NUDT16L1: variants seen among roughly 807,000 people sequenced by gnomAD.
NUDT16L1 encodes tudor-interacting repair regulator protein.
In NUDT16L1, 19 loss-of-function variants were observed where a neutral mutation model predicts 17.3. The observed-to-expected ratio is 1.10, with a 90% CI of 0.77 to 1.61. The LOEUF (loss-of-function observed/expected upper bound fraction) is 1.61, where lower values mean the gene tolerates loss of function less well. Among genes scored for constraint, NUDT16L1 ranks in the 40% most tolerant of loss-of-function variants. NUDT16L1 has a pLI of 0.00. For missense variants in NUDT16L1, 341 were observed against 292.0 expected (o/e 1.17, Z -1.22); for synonymous variants, 255 against 138.6 (o/e 1.84, Z -5.90).
chr16:4,693,580 T>A, upstream of NUDT16L1: 2 of 918,396 alleles, frequency 2.2e-6, no homozygotes, highest in Non-Finnish European at 2.9e-6. Flanking sequence ...ACCGCGGCGC[T>A]GCGAGGGGCT....
chr16:4,694,138 C>G, exon 2 of NUDT16L1: 1 of 1,588,760 alleles, frequency 6.3e-7, no homozygotes, highest in Non-Finnish European at 8.5e-7. Flanking sequence ...ACCGAGGGCC[C>G]ACACCGCGTC....
At chr16:4,693,626 C>T (rs1208810909), upstream of NUDT16L1, 22 of 1,274,430 alleles carry the variant, frequency 1.7e-5, no homozygotes, top group East Asian at 5.2e-4. Flanking sequence ...GCGGGGGAAC[C>T]GGACCCGGGG....
chr16:4,694,067 G>GCTGGGA (rs1596329291), exon 2 of NUDT16L1: 1 of 1,589,868 alleles, frequency 6.3e-7, no homozygotes, highest in Non-Finnish European at 8.5e-7. Flanking sequence ...TGAACCGGGT[G>GCTGGGA]CTGGGCCTGG....
In NUDT16L1 at chr16:4,695,349, G is replaced by C. The variant is rs540832254; in HGVS notation, c.*170G>C. 1.2e-4 allele frequency: 84 copies of C among 676,342 alleles called. 1 individual carries two copies. Among genetic ancestry groups the C allele is most frequent in the Admixed American group, 1.1e-4 (4 of 35,434 alleles). 41.9% of individuals were successfully genotyped at this position (676,342 alleles called of 1,614,324 possible). A position where few individuals can be genotyped will look rare whatever the true frequency, so the allele number is the denominator to read the frequency against. Reference sequence around the variant, plus strand: ...CAGTCACTAGGTGGCGGCCGGGCCAGCTGGAACCCAGCCCATCCTCTCAGG... The same window carrying C: ...CAGTCACTAGGTGGCGGCCGGGCCACCTGGAACCCAGCCCATCCTCTCAGG... On this transcript the variant is annotated 3_prime_UTR_variant, in exon 3 of 3. Coordinates refer to ENST00000304301, the Ensembl canonical transcript of NUDT16L1.
chr16:4,694,253 C>T lies in NUDT16L1; in HGVS notation c.414+15C>T, dbSNP rs1241884707. ...ACGGCCTGGAGGTGGGGCCGCCGCC[C>T]GGGCCCCGCCCCCCGCCCCGGGGTT... is the stretch of plus-strand genomic sequence containing the variant. On this transcript the variant is annotated intron_variant, in intron 2 of 2. Transcript: ENST00000304301. The T allele has an allele frequency of 2.7e-6, 4 of 1,461,582 alleles. No homozygotes were observed. Among genetic ancestry groups the T allele is most frequent in the South Asian group, 2.7e-5 (2 of 72,986 alleles). 90.5% of individuals were successfully genotyped at this position (1,461,582 alleles called of 1,614,324 possible).
rs752654152 is a variant in NUDT16L1 at position 4,695,165 on chromosome 16, C to T, written c.622C>T (p.Pro208Ser). The change falls in exon 3 of 3, where the codon CCG (proline) becomes TCG (serine). Residue 208 changes from proline (P) to serine (S), a missense_variant. Transcript: ENST00000304301. ...GAAGAAGGCCCTGGAGAAGTTGCTC[C>T]CGGCCTCCTCTTGAGGGCTGCCTGA... is the stretch of plus-strand genomic sequence containing the variant. The T allele has an allele frequency of 4.3e-6, 7 of 1,612,840 alleles. No individual in the cohort carries two copies. The Admixed American group carries it at 6.7e-5, about 15-fold the overall frequency.
In NUDT16L1 at chr16:4,694,949, T is replaced by C; in HGVS notation, c.415-9T>C. 6.2e-7 allele frequency: 1 copy of C among 1,602,764 alleles called. No individual in the cohort carries two copies. The highest frequency in any genetic ancestry group is 1.1e-5 in the South Asian group (1 of 90,196). ...GCCTGGCCCCAACCCCTACCTCCTG[T>C]CTGCGCAGGTGCTGGGCCTCGTGCG... On this transcript the variant is annotated splice_polypyrimidine_tract_variant and intron_variant, in intron 2 of 2. Coordinates refer to ENST00000304301, the Ensembl canonical transcript of NUDT16L1.
chr16:4,695,753 C>T (rs1047606294), exon 3 of NUDT16L1: 1 of 398,226 alleles, frequency 2.5e-6, no homozygotes, highest in Non-Finnish European at 4.4e-6. Context: ...CCCCACGTGG[C>T]TTGGTTCCCA....
intron 1 of NUDT16L1, 45 bp from the exon 2 acceptor site, chr16:4,693,933 G>T: frequency 6.6e-7 from 1 of 1,506,798 alleles, no homozygotes; most frequent in South Asian, 1.3e-5. Flanking sequence ...GGCCCGGGCG[G>T]GGGCGTCCGT....
intron 2 of NUDT16L1, 117 bp downstream of exon 2, chr16:4,694,355 G>C (rs1421591866): frequency 6.8e-7 from 1 of 1,478,554 alleles, no homozygotes; most frequent in Non-Finnish European, 9.0e-7. Flanking sequence ...GTCGGGTGTC[G>C]CTGTCTCCAG....
exon 1 of NUDT16L1, chr16:4,693,810 C>T (rs2079477238): frequency 3.8e-6 from 6 of 1,572,066 alleles, no homozygotes; most frequent in East Asian, 2.5e-5. Context: ...GCCACTCGTG[C>T]CACGCCATGC....
Position 4,693,966 on chromosome 16 carries a change from G to A in NUDT16L1, c.154-12G>A. 6.5e-7 allele frequency: 1 copy of A among 1,548,770 alleles called. No individual in the cohort carries two copies. The highest frequency in any genetic ancestry group is 1.2e-5 in the South Asian group (1 of 84,284). On this transcript the variant is annotated splice_polypyrimidine_tract_variant and intron_variant, in intron 1 of 2. Coordinates refer to ENST00000304301, the Ensembl canonical transcript of NUDT16L1. The stretch of plus-strand genomic sequence containing the variant: ...CGTCGACCCCGCGGCTGTGACCCGC[G>A]CTCCCTTGCAGATGCAGATGCGTTT...
At chr16:4,695,472 C>T (rs2079522284) in exon 3 of NUDT16L1, 4 of 578,342 alleles carry the variant, frequency 6.9e-6, no homozygotes, top group Non-Finnish European at 1.2e-5. Context: ...CGTCTCATCA[C>T]AGCTGGTAGA....
chr16:4,693,631 C>A, upstream of NUDT16L1: 8 of 1,295,058 alleles, frequency 6.2e-6, no homozygotes, highest in Non-Finnish European at 7.9e-6. Context: ...GGAACCGGAC[C>A]CGGGGGCGCG....
Position 4,693,711 on chromosome 16 carries a change from C to G in NUDT16L1, c.-16C>G, listed in dbSNP as rs754025347. On this transcript the variant is annotated 5_prime_UTR_variant, in exon 1 of 3. Transcript: ENST00000304301. ...TGCTCTTAAGTGGCAGCGGCGGGGACGGGGTCAGTGCCAAGATGTCGACGG... is the reference window on the plus strand; with the variant it reads ...TGCTCTTAAGTGGCAGCGGCGGGGAGGGGGTCAGTGCCAAGATGTCGACGG... 4.0e-6 allele frequency: 6 copies of G among 1,485,738 alleles called. No homozygotes were observed. In the African/African-American group the frequency reaches 4.4e-5, roughly 11 times the overall value. The allele number at this position is 1,485,738 out of a possible 1,614,324, so 92.0% of individuals were successfully genotyped here. A position where few individuals can be genotyped will look rare whatever the true frequency, so the allele number is the denominator to read the frequency against.
Position 4,695,857 on chromosome 16 carries a change from T to G in NUDT16L1, c.*678T>G, listed in dbSNP as rs2079530661. 2 of 309,960 alleles carry G rather than the reference T, an allele frequency of 6.5e-6. No individual in the cohort carries two copies. The highest frequency in any genetic ancestry group is 1.2e-5 in the Non-Finnish European group (2 of 170,066). The allele number at this position is 309,960 out of a possible 1,614,324, so 19.2% of individuals were successfully genotyped here. On this transcript the variant is annotated 3_prime_UTR_variant, in exon 3 of 3. Coordinates refer to ENST00000304301, the Ensembl canonical transcript of NUDT16L1. Reference sequence around the variant, plus strand: ...GCTCCGCAGCTGCTCTGTGTGTTTCTCAGCTGCCCTGTGTGTTTGTTTTGG... The same window carrying G: ...GCTCCGCAGCTGCTCTGTGTGTTTCGCAGCTGCCCTGTGTGTTTGTTTTGG...
chr16:4,694,331 C>A, intron 2 of NUDT16L1, 93 bp downstream of exon 2: 1 of 1,489,502 alleles, frequency 6.7e-7, no homozygotes, highest in Non-Finnish European at 8.9e-7. Context: ...CTGAGGGTCC[C>A]CTGGCCGGGC....
In NUDT16L1 at chr16:4,694,950, C is replaced by A. The variant is rs1036768024; in HGVS notation, c.415-8C>A. ...CCTGGCCCCAACCCCTACCTCCTGT[C>A]TGCGCAGGTGCTGGGCCTCGTGCGG... On this transcript the variant is annotated splice_polypyrimidine_tract_variant and splice_region_variant and intron_variant, in intron 2 of 2. Coordinates refer to ENST00000304301, the Ensembl canonical transcript of NUDT16L1. 2 of 1,603,280 alleles carry A rather than the reference C, an allele frequency of 1.2e-6. No individual in the cohort carries two copies. Among genetic ancestry groups the A allele is most frequent in the African/African-American group, 2.7e-5 (2 of 74,800 alleles).
chr16:4,694,097 C>G (rs1596329323), exon 2 of NUDT16L1: 1 of 1,591,526 alleles, frequency 6.3e-7, no homozygotes, highest in Middle Eastern at 1.7e-4. Context: ...GCCTGCGCCT[C>G]ACCGAGGCCG....
Sources: allele counts gnomAD v4.1 joint callset, GRCh38; gene constraint gnomAD v4.1.1; transcripts MANE v1.5; gene names NCBI Gene and HGNC (gene_info 2026-07-23, HGNC 2026-07-21).